Variants in PDE10A observed in about 807,000 individuals in gnomAD.
PDE10A encodes phosphodiesterase 10A.
In PDE10A, 39 loss-of-function variants were observed where a neutral mutation model predicts 97.7. That is an observed-to-expected ratio of 0.40 (90% CI 0.31 to 0.52). The LOEUF (loss-of-function observed/expected upper bound fraction) is 0.52. Ranked by LOEUF, PDE10A falls within the 20% of genes least tolerant of loss-of-function variation. PDE10A has a pLI of 0.56. For missense variants in PDE10A, 731 were observed against 1,047.8 expected (o/e 0.70, Z 4.17); for synonymous variants, 371 against 376.8 (o/e 0.98, Z 0.18).
At position 165,418,139 on chromosome 6, in the gene PDE10A, T is replaced by C. The variant is rs867555316; in HGVS notation, c.1796+496A>G. The stretch of plus-strand genomic sequence containing the variant: ...AAAAACAAAGACTTCAGTTTCAAGA[T>C]GCAACACAGGTGTGCTATGTGATTG... On this transcript the variant is annotated intron_variant, in intron 11 of 21. Transcript: ENST00000539869. This position sits in a 1 kb window ranked among gnomAD's most constrained non-coding sequence, Gnocchi z 4.8. 3.9e-5 allele frequency among the ~76,000 whole-genome samples: 6 copies of C among 152,282 alleles called. No individual in the cohort carries two copies. The highest frequency in any genetic ancestry group is 1.4e-4 in the African/African-American group (6 of 41,550).
rs149201060 is a variant in PDE10A, at chr6:165,880,026, C to T, written c.-615+107503G>A. Among the ~76,000 whole-genome samples, 252 of 151,986 alleles carry T rather than the reference C, an allele frequency of 1.7e-3. 2 individuals are homozygous for T. The highest frequency in any genetic ancestry group is 3.9e-3 in the Admixed American group (60 of 15,284). On this transcript the variant is annotated intron_variant, in intron 1 of 19. Coordinates refer to the PDE10A transcript ENST00000366882. Reference sequence around the variant, plus strand: ...CCATAAAAACCAATAGTGGAGGAAACAGAAATTATTACCTATTGGAAAGTA... The same window carrying T: ...CCATAAAAACCAATAGTGGAGGAAATAGAAATTATTACCTATTGGAAAGTA...
intron 1 of PDE10A, among the ~76,000 whole-genome samples, chr6:165,801,481 G>C (rs567577841): frequency 6.6e-6 from 1 of 152,200 alleles, no homozygotes; most frequent in African/African-American, 2.4e-5. Context: ...GGAGGCAGAG[G>C]TTGTGGTGAG....
At chr6:165,548,797 C>G (rs1175393880) in intron 1 of PDE10A, among the ~76,000 whole-genome samples, 1 of 152,150 alleles carries the variant, frequency 6.6e-6, no homozygotes. Flanking sequence ...TCCGGTGGGA[C>G]AGTTCATGTA....
intron 1 of PDE10A, among the ~76,000 whole-genome samples, chr6:165,654,420 TGA>T (rs547191548): frequency 1.3e-5 from 2 of 151,816 alleles, no homozygotes; most frequent in South Asian, 4.1e-4. Flanking sequence ...GCTGTCCAAT[TGA>T]GAGAAATGGC....
At chr6:165,685,593 G>A (rs1049092244) in intron 1 of PDE10A, among the ~76,000 whole-genome samples, 8 of 152,216 alleles carry the variant, frequency 5.3e-5, no homozygotes, top group Non-Finnish European at 7.4e-5. Flanking sequence ...AATGTTTTGT[G>A]TATGTTCCTG....
intron 1 of PDE10A, among the ~76,000 whole-genome samples, chr6:165,943,294 G>GGAGA (rs1783633005): frequency 1.7e-5 from 1 of 59,382 alleles, no homozygotes; most frequent in Non-Finnish European, 3.2e-5. Context: ...AAAGAAAGAA[G>GGAGA]GAAAGAAAGA....
At chr6:165,618,409 G>A (rs1267728940) in intron 1 of PDE10A, among the ~76,000 whole-genome samples, 1 of 152,118 alleles carries the variant, frequency 6.6e-6, no homozygotes, top group Non-Finnish European at 1.5e-5. Flanking sequence ...AATCATGAAA[G>A]AGGCATTTGG....
At position 165,401,271 on chromosome 6, in the gene PDE10A, C is replaced by T. The variant is rs538316588; in HGVS notation, c.2077-4812G>A. On this transcript the variant is annotated intron_variant, in intron 13 of 21. Coordinates refer to ENST00000539869, the MANE Select transcript of PDE10A (RefSeq NM_001385079.1). ...CATATAAATTTCAGCAAAAAAGTCA[C>T]GTGACAATGAAAATACTGGCAAAGA... Among the ~76,000 whole-genome samples, 124 of 152,238 alleles carry T rather than the reference C, an allele frequency of 8.1e-4. 1 individual carries two copies. The highest frequency in any genetic ancestry group is 2.6e-3 in the African/African-American group (107 of 41,554).
chr6:165,384,611 T>C (rs1157465803), intron 17 of PDE10A, among the ~76,000 whole-genome samples: 1 of 144,406 alleles, frequency 6.9e-6, no homozygotes, highest in Non-Finnish European at 1.5e-5. Flanking sequence ...ATGAGTAACG[T>C]GTGTGTGTAT....
chr6:165,764,014 G>C (rs1354101174), intron 1 of PDE10A, among the ~76,000 whole-genome samples: 1 of 152,242 alleles, frequency 6.6e-6, no homozygotes, highest in African/African-American at 2.4e-5. Flanking sequence ...GCTGGGAAGT[G>C]GTGGAATGAG....
Position 165,416,232 on chromosome 6 carries a change from C to G in PDE10A, c.1846G>C (p.Val616Leu). The G allele has an allele frequency of 1.2e-6, 2 of 1,613,648 alleles. No homozygotes were observed. The highest frequency in any genetic ancestry group is 1.7e-6 in the Non-Finnish European group (2 of 1,179,598). ...IAGQVARTGE[V>L]LNIPDAYADP... ...GCATAGGCATCTGGAATGTTCAGGA[C>G]TTCCCCTGTTCTTGCTACTTGGCCA... Residue 616 changes from valine (V) to leucine (L), a missense_variant, in exon 12 of 22, where the codon GTC becomes CTC. Physicochemically the swap from Val to Leu is conservative, Grantham distance 32 (BLOSUM62 1). Around this residue, in one of 8 missense-constraint regions of PDE10A, gnomAD observed 108 missense variants for 199.8 expected, o/e 0.54. Transcript: ENST00000539869.
chr6:165,497,080 T>C (rs1449317573), intron 2 of PDE10A, among the ~76,000 whole-genome samples: 1 of 152,184 alleles, frequency 6.6e-6, no homozygotes, highest in East Asian at 1.9e-4. Flanking sequence ...ATACTTGTGA[T>C]ATTTTTCATC....
intron 1 of PDE10A, among the ~76,000 whole-genome samples, chr6:165,936,371 C>T (rs1036181872): frequency 2.0e-5 from 3 of 151,860 alleles, no homozygotes; most frequent in East Asian, 1.9e-4. Context: ...CGTTTAAGAT[C>T]GGCAGAAATA....
At chr6:165,584,419 C>G (rs943178386) in intron 1 of PDE10A, among the ~76,000 whole-genome samples, 1 of 152,132 alleles carries the variant, frequency 6.6e-6, no homozygotes, top group Non-Finnish European at 1.5e-5. Context: ...CCCCAGCCAA[C>G]AGGCCCATAA....
At chr6:165,744,970 T>C (rs1792812967) in intron 1 of PDE10A, among the ~76,000 whole-genome samples, 1 of 152,194 alleles carries the variant, frequency 6.6e-6, no homozygotes, top group South Asian at 2.1e-4. Context: ...ACAATACCAT[T>C]AGTAATTTTT....
At chr6:165,873,017 G>A (rs908323193) in intron 1 of PDE10A, among the ~76,000 whole-genome samples, 1 of 152,168 alleles carries the variant, frequency 6.6e-6, no homozygotes. Context: ...AGGCAGATGC[G>A]TTCACATCCT....
At chr6:165,963,883 A>G (rs1422192248) in intron 1 of PDE10A, among the ~76,000 whole-genome samples, 1 of 152,064 alleles carries the variant, frequency 6.6e-6, no homozygotes, top group Non-Finnish European at 1.5e-5. Flanking sequence ...CACCTGCCAA[A>G]CTCTGACTGA....
At chr6:165,707,757 G>T (rs1469527489) in intron 1 of PDE10A, among the ~76,000 whole-genome samples, 1 of 152,050 alleles carries the variant, frequency 6.6e-6, no homozygotes, top group Admixed American at 6.5e-5. Context: ...GAGACTGAGT[G>T]TGTGAAAGTG....
chr6:165,481,062 T>A (rs1779579757), intron 3 of PDE10A, among the ~76,000 whole-genome samples: 1 of 152,180 alleles, frequency 6.6e-6, no homozygotes, highest in Non-Finnish European at 1.5e-5. Context: ...TAAAACAGTA[T>A]GTGGTATTGT....
Sources: allele counts gnomAD v4.1 joint callset (sites outside exome capture counted in the v4.1 genomes callset), GRCh38; gene constraint gnomAD v4.1.1; regional missense constraint gnomAD v4.1.1; non-coding constraint Gnocchi (gnomAD v3.1); transcripts MANE v1.5; gene names NCBI Gene and HGNC (gene_info 2026-07-23, HGNC 2026-07-21).